Variants in ASB2 observed in about 807,000 individuals in gnomAD.
The protein encoded by ASB2 is ankyrin repeat and SOCS box protein 2.
A neutral mutation model predicts 62.4 loss-of-function variants in ASB2; 58 were observed. That is an observed-to-expected ratio of 0.93 (90% CI 0.75 to 1.16). ASB2 has a LOEUF of 1.16. Among genes scored for constraint, ASB2 ranks in the 50% most tolerant of loss-of-function variants. The probability of loss-of-function intolerance (pLI) is 0.00; values close to 1 mark genes in which losing one functional copy is unlikely to be tolerated. For missense variants in ASB2, 928 were observed against 887.9 expected (o/e 1.05, Z -0.57); for synonymous variants, 386 against 385.3 (o/e 1.00, Z -0.02).
Position 93,964,845 on chromosome 14 carries a change from A to G in ASB2, c.-73-233T>C, listed in dbSNP as rs888288707. Among the ~76,000 whole-genome samples, 4 of 151,584 alleles carry G rather than the reference A, an allele frequency of 2.6e-5. No homozygotes were observed. The East Asian group carries it at 7.7e-4, about 29-fold the overall frequency. On this transcript the variant is annotated intron_variant, in intron 1 of 9. Transcript: ENST00000555019. Reference sequence around the variant, plus strand: ...CATCCATCCATTTATGCATCCTCCCATACATCCATCTACCCACCGAGCTAT... The same window carrying G: ...CATCCATCCATTTATGCATCCTCCCGTACATCCATCTACCCACCGAGCTAT...
rs1321724913 is a variant in ASB2 at position 93,939,558 on chromosome 14, C to A, written c.1167G>T (p.Leu389=). The change falls in exon 8 of 10, where the codon CTG becomes CTT. Residue 389 remains leucine, a synonymous_variant. Transcript: ENST00000555019. The part of the protein sequence containing the change: ...RNHDEVLEAL[L]SARFDVNTPL... ...GCGTGTTCACGTCGAAGCGCGCGCT[C>A]AGCAGCGCCTCCAGCACCTCGTCGT... The A allele has an allele frequency of 1.2e-5, 19 of 1,594,944 alleles. No homozygotes were observed. Among genetic ancestry groups the A allele is most frequent in the Non-Finnish European group, 1.6e-5 (19 of 1,173,106 alleles).
chr14:93,944,329 G>A (rs1420027727), intron 7 of ASB2, among the ~76,000 whole-genome samples: 4 of 152,270 alleles, frequency 2.6e-5, no homozygotes, highest in African/African-American at 9.6e-5. Context: ...ACAGGAAAAT[G>A]CGTGTCTTGG....
intron 9 of ASB2, among the ~76,000 whole-genome samples, chr14:93,937,189 C>T (rs1456899189): frequency 6.6e-6 from 1 of 152,224 alleles, no homozygotes; most frequent in Non-Finnish European, 1.5e-5. Flanking sequence ...GTTCTGTGCA[C>T]CAACAGCCTT....
chr14:93,950,757 G>C (rs987326060), intron 6 of ASB2, among the ~76,000 whole-genome samples: 1 of 149,808 alleles, frequency 6.7e-6, no homozygotes, highest in African/African-American at 2.5e-5. Context: ...GGTGGTCCGT[G>C]GGCCAGACCC....
rs896657093 is a variant in ASB2, at chr14:93,968,650, C to T, written c.-73-4038G>A. On this transcript the variant is annotated intron_variant, in intron 1 of 9. Transcript: ENST00000555019. ...TCTGTGCCCTGGGCACCATACCAGCCTCTTTGCCTGCTGCATGGAGGGTAC... is the reference window on the plus strand; with the variant it reads ...TCTGTGCCCTGGGCACCATACCAGCTTCTTTGCCTGCTGCATGGAGGGTAC... Among the ~76,000 whole-genome samples the T allele has an allele frequency of 3.3e-5, 5 of 152,214 alleles. No individual in the cohort carries two copies. In the East Asian group the frequency reaches 9.6e-4, roughly 29 times the overall value.
chr14:93,953,942 G>A (rs1334909024), intron 4 of ASB2, among the ~76,000 whole-genome samples: 1 of 152,176 alleles, frequency 6.6e-6, no homozygotes, highest in Non-Finnish European at 1.5e-5. Flanking sequence ...AGGCACGGCT[G>A]TCCCGCGGTC....
chr14:93,951,182 G>T lies in ASB2; in HGVS notation c.697C>A (p.His233Asn), dbSNP rs1756721088. Reference protein sequence around the residue: ...ILVQHNADTNHRCNRGWTALH... With the variant: ...ILVQHNADTNNRCNRGWTALH... ...GCGGTCCAGCCGCGGTTGCAGCGGT[G>T]GTTGGTGTCTGCATTGTGCTGCACC... Residue 233 changes from histidine (H) to asparagine (N), a missense_variant, in exon 6 of 10, where the codon CAC becomes AAC. By Grantham distance (68) the His-to-Asn change is moderately conservative (BLOSUM62 1). Transcript: ENST00000555019. The T allele has an allele frequency of 6.2e-7, 1 of 1,613,636 alleles. No homozygotes were observed. The highest frequency in any genetic ancestry group is 1.3e-5 in the African/African-American group (1 of 74,948).
intron 6 of ASB2, among the ~76,000 whole-genome samples, chr14:93,949,094 T>C (rs922771404): frequency 1.3e-5 from 2 of 152,172 alleles, no homozygotes; most frequent in Non-Finnish European, 2.9e-5. Flanking sequence ...GCACACAGCT[T>C]TCTCTGCAGA....
At chr14:93,937,630 C>G in intron 9 of ASB2, 68 bp downstream of exon 9, 1 of 1,528,136 alleles carries the variant, frequency 6.5e-7, no homozygotes, top group Non-Finnish European at 8.9e-7. Context: ...AGTCGCACTC[C>G]CTGAGGCCTG....
In ASB2 at chr14:93,956,785, A is replaced by C. The variant is rs774376529; in HGVS notation, c.292T>G (p.Phe98Val). The C allele has an allele frequency of 6.2e-7, 1 of 1,614,184 alleles. No homozygotes were observed. The highest frequency in any genetic ancestry group is 8.5e-7 in the Non-Finnish European group (1 of 1,180,028). Residue 98 changes from phenylalanine (F) to valine (V), a missense_variant, in exon 3 of 10, where the codon TTC becomes GTC. Coordinates refer to ENST00000555019, the MANE Select transcript of ASB2 (RefSeq NM_001202429.2). ...ACTTACGCCAGCTGGGAGGTCTTGA[A>C]CAAGCTGCTGCTGTATTTCTGCATG... ...GVMQKYSSSL[F>V]KTSQLAPADP...
At chr14:93,958,468 C>T (rs1889303331) in intron 2 of ASB2, among the ~76,000 whole-genome samples, 2 of 152,292 alleles carry the variant, frequency 1.3e-5, no homozygotes, top group South Asian at 2.1e-4. Flanking sequence ...TCCAGCTCTC[C>T]GACCTCCACA....
At chr14:93,946,909 C>G (rs536280859) in intron 7 of ASB2, among the ~76,000 whole-genome samples, 1 of 152,218 alleles carries the variant, frequency 6.6e-6, no homozygotes, top group Non-Finnish European at 1.5e-5. Context: ...AGACTCATAT[C>G]TGCCCCCCAG....
rs185715942 is a variant in ASB2, at chr14:93,949,225, C to T, written c.881-1705G>A. ...ACAGGTCATCTCTCTAAGCATGTTG[C>T]TGATCTCAGGCTTTCTGGTAATTTA... On this transcript the variant is annotated intron_variant, in intron 6 of 9. Coordinates refer to ENST00000555019, the MANE Select transcript of ASB2 (RefSeq NM_001202429.2). Among the ~76,000 whole-genome samples the T allele has an allele frequency of 7.3e-3, 1,116 of 152,308 alleles. 20 individuals are homozygous for T. Among genetic ancestry groups the T allele is most frequent in the African/African-American group, 0.026 (1,065 of 41,556 alleles).
At chr14:93,945,150 A>T (rs996421928) in intron 7 of ASB2, among the ~76,000 whole-genome samples, 14 of 152,180 alleles carry the variant, frequency 9.2e-5, no homozygotes, top group African/African-American at 3.4e-4. Flanking sequence ...ATGGCATTTT[A>T]AAAATAGCCC....
intron 2 of ASB2, among the ~76,000 whole-genome samples, chr14:93,962,012 G>T (rs1889422934): frequency 6.6e-6 from 1 of 151,918 alleles, no homozygotes; most frequent in South Asian, 2.1e-4. Context: ...ATCCACTTTG[G>T]GTGGCTTTTG....
intron 5 of ASB2, 122 bp downstream of exon 5, chr14:93,953,230 A>C (rs1889037115): frequency 1.2e-6 from 1 of 826,376 alleles, no homozygotes; most frequent in East Asian, 2.7e-5. Flanking sequence ...CAGTTACATA[A>C]ATTGTGCATT....
At chr14:93,967,771 G>C (rs527492007) in intron 1 of ASB2, among the ~76,000 whole-genome samples, 2 of 152,178 alleles carry the variant, frequency 1.3e-5, no homozygotes, top group African/African-American at 2.4e-5. Context: ...GACAAAAAGA[G>C]GTTAGTATTG....
chr14:93,951,350 T>C (rs1888963960), intron 5 of ASB2, 106 bp from the exon 6 acceptor site: 12 of 1,328,872 alleles, frequency 9.0e-6, no homozygotes, highest in Non-Finnish European at 1.0e-5. Flanking sequence ...CATTCAGCTT[T>C]CCACTGCATG....
intron 7 of ASB2, chr14:93,941,503 C>T (rs568686951): frequency 5.4e-6 from 2 of 370,394 alleles, no homozygotes; most frequent in African/African-American, 2.1e-5. Flanking sequence ...GACTCTAAAA[C>T]CTCAAAAGGA....
Sources: gnomAD v4.1 joint callset for allele counts (sites outside exome capture counted in the v4.1 genomes callset) on GRCh38, gnomAD v4.1.1 for gene constraint, MANE v1.5 for transcripts, NCBI Gene and HGNC (gene_info 2026-07-23, HGNC 2026-07-21) for gene names.